TENM2: variants seen among roughly 807,000 people sequenced by gnomAD.
The protein encoded by TENM2 is teneurin-2.
Under a neutral mutation model 245.2 loss-of-function variants are expected in TENM2, and 52 were observed. The observed-to-expected ratio is 0.21, with a 90% CI of 0.17 to 0.27. The LOEUF (loss-of-function observed/expected upper bound fraction) is 0.27. Among genes scored for constraint, TENM2 ranks in the 10% least tolerant of loss-of-function variants. The pLI is 1.00. For synonymous variants in TENM2, 1,363 were observed against 1,438.9 expected (o/e 0.95, Z 1.19); for missense variants, 3,046 against 3,666.8 (o/e 0.83, Z 4.37).
At chr5:167,456,251 C>T (rs947496364) in intron 2 of TENM2, among the ~76,000 whole-genome samples, 4 of 152,158 alleles carry the variant, frequency 2.6e-5, no homozygotes, top group African/African-American at 9.7e-5. Context: ...CCCCAAACCA[C>T]TTTGAGCATT....
chr5:167,177,825 C>T, the TENM2 span, among the ~76,000 whole-genome samples: 20 of 152,234 alleles, frequency 1.3e-4, no homozygotes, highest in African/African-American at 4.8e-4. Context: ...GCCTGAATAG[C>T]GAAGTGAGCT....
the TENM2 span, among the ~76,000 whole-genome samples, chr5:167,072,062 A>G: frequency 6.6e-6 from 1 of 152,056 alleles, no homozygotes; most frequent in African/African-American, 2.4e-5. Flanking sequence ...GGAATATAGC[A>G]TGCAGCTGTG....
At chr5:167,194,274 C>G in the TENM2 span, among the ~76,000 whole-genome samples, 3 of 152,144 alleles carry the variant, frequency 2.0e-5, no homozygotes, top group Middle Eastern at 3.4e-3. Context: ...TCATTTGCTT[C>G]ACAACCCTTC....
chr5:168,215,611 G>A (rs1033338442), intron 21 of TENM2, among the ~76,000 whole-genome samples: 8 of 152,250 alleles, frequency 5.3e-5, no homozygotes, highest in African/African-American at 1.2e-4. Context: ...GGAGCTTGCA[G>A]TGAGCCGAGA....
chr5:167,004,737 C>T, the TENM2 span, among the ~76,000 whole-genome samples: 3 of 152,050 alleles, frequency 2.0e-5, no homozygotes, highest in African/African-American at 4.8e-5. Flanking sequence ...CAGCTTGCAG[C>T]GTGTGTGCGT....
intron 3 of TENM2, among the ~76,000 whole-genome samples, chr5:167,923,055 G>T (rs1293347316): frequency 6.6e-6 from 1 of 152,220 alleles, no homozygotes; most frequent in Non-Finnish European, 1.5e-5. Flanking sequence ...CAGGTGCAGT[G>T]GCTCATGTCT....
the TENM2 span, among the ~76,000 whole-genome samples, chr5:167,143,652 A>G: frequency 0.017 from 2,592 of 152,286 alleles, 27 homozygotes; most frequent in Non-Finnish European, 0.026. Context: ...TGAAGTCTGG[A>G]GACTTGCTGA....
chr5:167,182,540 T>C, the TENM2 span, among the ~76,000 whole-genome samples: 1 of 152,194 alleles, frequency 6.6e-6, no homozygotes, highest in African/African-American at 2.4e-5. Flanking sequence ...TTTCTAAACA[T>C]TTTATGTTCT....
chr5:167,100,796 T>G, the TENM2 span, among the ~76,000 whole-genome samples: 1 of 152,254 alleles, frequency 6.6e-6, no homozygotes, highest in African/African-American at 2.4e-5. Context: ...TCCAGAGAAT[T>G]AATTCAGGCT....
chr5:167,902,658 C>T (rs781725614), intron 3 of TENM2, among the ~76,000 whole-genome samples: 5 of 152,040 alleles, frequency 3.3e-5, no homozygotes, highest in Non-Finnish European at 4.4e-5. Context: ...TTATGGCAGC[C>T]GACTCATCGA....
chr5:167,300,915 G>C (rs1755273424), intron 1 of TENM2, among the ~76,000 whole-genome samples: 1 of 152,144 alleles, frequency 6.6e-6, no homozygotes, highest in Non-Finnish European at 1.5e-5. Flanking sequence ...GCTTAAAAGA[G>C]TATTATCTAA....
rs567390377 is a variant in TENM2 at position 167,415,592 on chromosome 5, G to T, written c.502+40119G>T. Among the ~76,000 whole-genome samples the T allele has an allele frequency of 6.6e-5, 10 of 152,018 alleles. No homozygotes were observed. The South Asian group carries it at 1.7e-3, about 25-fold the overall frequency. On this transcript the variant is annotated intron_variant, in intron 2 of 28. Transcript: ENST00000518659. ...TCTTATGAAAACTTCTGAATTTCCT[G>T]TGTCTTATTAATATCCATAGTAAAC...
At chr5:167,641,609 C>T (rs1432941542) in intron 2 of TENM2, among the ~76,000 whole-genome samples, 2 of 152,104 alleles carry the variant, frequency 1.3e-5, no homozygotes, top group African/African-American at 4.8e-5. Context: ...CTTACAAAGA[C>T]AGTAAAAGTT....
At chr5:167,964,106 A>G (rs993600494) in intron 4 of TENM2, among the ~76,000 whole-genome samples, 35 of 152,304 alleles carry the variant, frequency 2.3e-4, no homozygotes, top group African/African-American at 8.2e-4. Flanking sequence ...AGGTTTTGAA[A>G]CAAAGTCTAC....
intron 2 of TENM2, among the ~76,000 whole-genome samples, chr5:167,386,519 A>G (rs1761441943): frequency 6.6e-6 from 1 of 152,124 alleles, no homozygotes; most frequent in South Asian, 2.1e-4. Flanking sequence ...CTTTAGTTTA[A>G]TTAAGTCTCA....
At chr5:167,863,483 ACACAC>A (rs1561869410) in intron 2 of TENM2, among the ~76,000 whole-genome samples, 33 of 151,614 alleles carry the variant, frequency 2.2e-4, no homozygotes, top group African/African-American at 8.0e-4. Flanking sequence ...ACACACACAC[ACACAC>A]ACAAAATTAG....
intron 2 of TENM2, among the ~76,000 whole-genome samples, chr5:167,458,384 G>C (rs1766051206): frequency 7.0e-6 from 1 of 142,852 alleles, no homozygotes; most frequent in South Asian, 2.2e-4. Flanking sequence ...CTACTCAGGA[G>C]TCTGAGGCAA....
At chr5:168,162,868 G>T in intron 13 of TENM2, 111 bp downstream of exon 15, 2 of 1,310,746 alleles carry the variant, frequency 1.5e-6, no homozygotes, top group Non-Finnish European at 2.1e-6. Flanking sequence ...GTCAAATGTT[G>T]TTGTAACATT....
chr5:167,549,490 T>G (rs1190851221), intron 2 of TENM2, among the ~76,000 whole-genome samples: 1 of 152,006 alleles, frequency 6.6e-6, no homozygotes, highest in Non-Finnish European at 1.5e-5. Context: ...AATCAGATAT[T>G]TATACATCTT....
Sources: gnomAD v4.1 joint callset for allele counts (sites outside exome capture counted in the v4.1 genomes callset) on GRCh38, gnomAD v4.1.1 for gene constraint, MANE v1.5 for transcripts, NCBI Gene and HGNC (gene_info 2026-07-23, HGNC 2026-07-21) for gene names.